The following AUTS2 variants were observed in gnomAD, a reference collection of about 807,000 sequenced individuals.
The protein encoded by AUTS2 is activator of transcription and developmental regulator AUTS2, also known as autism susceptibility gene 2 protein.
AUTS2 carries 17 observed loss-of-function variants against 112.4 expected under a neutral mutation model. That is an observed-to-expected ratio of 0.15 (90% confidence interval 0.10 to 0.23). The LOEUF is 0.23. Ranked by LOEUF, AUTS2 falls within the 10% of genes least tolerant of loss-of-function variation. The probability of loss-of-function intolerance (pLI) is 1.00; values close to 1 mark genes in which losing one functional copy is unlikely to be tolerated. For synonymous variants in AUTS2, 751 were observed against 702.7 expected (o/e 1.07, Z -1.09); for missense variants, 1,510 against 1,701.6 (o/e 0.89, Z 1.98).
At chr7:70,765,383 G>A (rs1406189660) in intron 8 of AUTS2, among the ~76,000 whole-genome samples, 2 of 152,180 alleles carry the variant, frequency 1.3e-5, no homozygotes, top group African/African-American at 4.8e-5. Context: ...ATCTTAGATT[G>A]TGTCCTGGTT....
intron 4 of AUTS2, among the ~76,000 whole-genome samples, chr7:70,393,538 G>T (rs1313824245): frequency 1.3e-5 from 2 of 152,054 alleles, no homozygotes; most frequent in African/African-American, 4.8e-5. Context: ...CCTCTCTGTG[G>T]TTCCTCATTA....
chr7:70,708,076 A>G (rs1205045400), intron 6 of AUTS2, among the ~76,000 whole-genome samples: 1 of 152,202 alleles, frequency 6.6e-6, no homozygotes, highest in African/African-American at 2.4e-5. Context: ...TGTGGGAGGC[A>G]GTTATATTTG....
At chr7:70,118,264 AAAAT>A (rs1314851958) in intron 3 of AUTS2, 31 bp downstream of exon 3, 4 of 1,529,072 alleles carry the variant, frequency 2.6e-6, no homozygotes, top group East Asian at 2.4e-5. Context: ...AAAAAAAAAA[AAAAT>A]TAACGAAAAC....
intron 5 of AUTS2, among the ~76,000 whole-genome samples, chr7:70,619,177 C>T (rs775616045): frequency 6.6e-6 from 1 of 152,196 alleles, no homozygotes; most frequent in African/African-American, 2.4e-5. Context: ...GGATTCACTC[C>T]TGTCAAACAA....
chr7:70,208,706 G>A (rs910000828), intron 4 of AUTS2, among the ~76,000 whole-genome samples: 4 of 151,976 alleles, frequency 2.6e-5, no homozygotes, highest in Non-Finnish European at 5.9e-5. Context: ...CTAGGCTAAC[G>A]TGATAGAGAT....
chr7:70,109,458 T>C (rs1804953680), intron 2 of AUTS2, among the ~76,000 whole-genome samples: 1 of 152,224 alleles, frequency 6.6e-6, no homozygotes, highest in Admixed American at 6.5e-5. Flanking sequence ...TTCTCTTTAA[T>C]TCTTGTACAT....
At chr7:70,488,498 G>A (rs1001126172) in intron 5 of AUTS2, among the ~76,000 whole-genome samples, 2 of 152,162 alleles carry the variant, frequency 1.3e-5, no homozygotes, top group South Asian at 4.2e-4. Context: ...TATCTTCTCA[G>A]TTCTGTCCCC....
At chr7:70,714,178 C>T (rs909898559) in intron 6 of AUTS2, among the ~76,000 whole-genome samples, 1 of 152,064 alleles carries the variant, frequency 6.6e-6, no homozygotes, top group African/African-American at 2.4e-5. Context: ...TATCATGAAT[C>T]GGGAGCTTTT....
chr7:70,519,944 T>C (rs549510674), intron 5 of AUTS2, among the ~76,000 whole-genome samples: 5 of 152,238 alleles, frequency 3.3e-5, no homozygotes, highest in African/African-American at 1.2e-4. Context: ...AATTTATGTA[T>C]CATAAAGTTG....
At position 69,811,462 on chromosome 7, in the gene AUTS2, A is replaced by G. The variant is rs114453530; in HGVS notation, c.310-87824A>G. On this transcript the variant is annotated intron_variant, in intron 1 of 18. Transcript: ENST00000342771. ...TATCTGAATCCAAAATCTTCAGTCAAGAAGGAGCCTCTACGGACTAGATCC... is the reference window on the plus strand; with the variant it reads ...TATCTGAATCCAAAATCTTCAGTCAGGAAGGAGCCTCTACGGACTAGATCC... Among the ~76,000 whole-genome samples, 443 of 152,192 alleles carry G rather than the reference A, an allele frequency of 2.9e-3. 4 individuals carry two copies. The highest frequency in any genetic ancestry group is 0.01 in the African/African-American group (429 of 41,516).
At chr7:69,627,901 A>G (rs1215818713) in intron 1 of AUTS2, among the ~76,000 whole-genome samples, 1 of 152,252 alleles carries the variant, frequency 6.6e-6, no homozygotes, top group Admixed American at 6.5e-5. Flanking sequence ...TTTACAGCAC[A>G]TAATGAACAT....
At chr7:70,492,732 C>G (rs2116447682) in intron 5 of AUTS2, among the ~76,000 whole-genome samples, 1 of 152,236 alleles carries the variant, frequency 6.6e-6, no homozygotes, top group South Asian at 2.1e-4. Flanking sequence ...TCTGAGCAAA[C>G]TACGTGACCC....
At chr7:69,703,890 A>G (rs2129191649) in intron 1 of AUTS2, among the ~76,000 whole-genome samples, 1 of 152,368 alleles carries the variant, frequency 6.6e-6, no homozygotes, top group Admixed American at 6.5e-5. Context: ...TAAGCAGGGC[A>G]GTGTTTCTAG....
chr7:70,279,147 A>G (rs983776958), intron 4 of AUTS2, among the ~76,000 whole-genome samples: 1 of 152,152 alleles, frequency 6.6e-6, no homozygotes, highest in Non-Finnish European at 1.5e-5. Context: ...TGAATATCAA[A>G]TTGAAACCAT....
intron 2 of AUTS2, among the ~76,000 whole-genome samples, chr7:69,984,051 A>G (rs1361854703): frequency 3.3e-5 from 5 of 152,148 alleles, no homozygotes; most frequent in Admixed American, 6.6e-5. Context: ...AAGAAATTTA[A>G]ATGTAAAGAT....
chr7:70,386,547 A>G lies in AUTS2; in HGVS notation c.661-49205A>G, dbSNP rs575203730. ...TCCTACCCAGACCCTGGCAATCACT[A>G]ATCTACTATCTCTGTGGATTTGCCT... On this transcript the variant is annotated intron_variant, in intron 4 of 18. Transcript: ENST00000342771. 2.6e-5 allele frequency among the ~76,000 whole-genome samples: 4 copies of G among 152,234 alleles called. No homozygotes were observed. The South Asian group carries it at 6.2e-4, about 24-fold the overall frequency.
chr7:69,788,022 C>A (rs1427486556), intron 1 of AUTS2, among the ~76,000 whole-genome samples: 1 of 152,196 alleles, frequency 6.6e-6, no homozygotes. Context: ...GAATGAATTC[C>A]TGATTGGTTC....
At chr7:70,170,112 T>C (rs990036997) in intron 4 of AUTS2, among the ~76,000 whole-genome samples, 4 of 151,726 alleles carry the variant, frequency 2.6e-5, no homozygotes, top group African/African-American at 9.7e-5. Context: ...TCACAAAATC[T>C]TTGATCCACT....
rs540685734 is a variant in AUTS2 at position 70,020,703 on chromosome 7, T to C, written c.523-97429T>C. ...TTCTTCCTTTTCTTTTTTTCCTTTT[T>C]CTTTTTGAGGTAGGGCCTCACTCTG... is the stretch of plus-strand genomic sequence containing the variant. On this transcript the variant is annotated intron_variant, in intron 2 of 18. Coordinates refer to ENST00000342771, the MANE Select transcript of AUTS2 (RefSeq NM_015570.4). Among the ~76,000 whole-genome samples the C allele has an allele frequency of 3.3e-5, 5 of 152,224 alleles. 1 individual carries two copies. In the South Asian group the frequency reaches 1.0e-3, roughly 32 times the overall value.
Sources: gnomAD v4.1 joint callset for allele counts (sites outside exome capture counted in the v4.1 genomes callset) on GRCh38, gnomAD v4.1.1 for gene constraint, MANE v1.5 for transcripts, NCBI Gene and HGNC (gene_info 2026-07-23, HGNC 2026-07-21) for gene names.